RMDN1: variants seen among roughly 807,000 people sequenced by gnomAD.
RMDN1 encodes regulator of microtubule dynamics 1.
In RMDN1, 48 loss-of-function variants were observed where a neutral mutation model predicts 48.9. That is an observed-to-expected ratio of 0.98 (90% CI 0.78 to 1.25). The LOEUF is 1.25. RMDN1 is among the 50% of genes most tolerant of loss of function. RMDN1 has a pLI of 0.00. For missense variants in RMDN1, 418 were observed against 373.4 expected, an observed-to-expected ratio of 1.12 and a Z score of -0.98; for synonymous variants, 148 against 132.6, an observed-to-expected ratio of 1.12 and a Z score of -0.80.
downstream of RMDN1, among the ~76,000 whole-genome samples, chr8:86,471,987 G>T (rs1178387554): frequency 2.0e-5 from 3 of 152,184 alleles, no homozygotes; most frequent in Admixed American, 2.0e-4. Flanking sequence ...GAGACATCTT[G>T]GGGACATTTG....
Position 86,504,691 on chromosome 8 carries a change from T to G in RMDN1, c.247+2304A>C. On this transcript the variant is annotated intron_variant, in intron 2 of 9. Coordinates refer to ENST00000406452, the MANE Select transcript of RMDN1 (RefSeq NM_016033.3). ...AGCTTTGTCTTTATCGGGGCTATCT[T>G]GGTCTTTGTGGCCTTTGAAATTGGA... is the stretch of plus-strand genomic sequence containing the variant. 3.4e-6 allele frequency: 3 copies of G among 883,694 alleles called. No homozygotes were observed. In the South Asian group the frequency reaches 3.9e-5, roughly 12 times the overall value. 54.7% of individuals were successfully genotyped at this position (883,694 alleles called of 1,614,324 possible). A position where few individuals can be genotyped will look rare whatever the true frequency, so the allele number is the denominator to read the frequency against.
chr8:86,476,790 G>C (rs1443246530), intron 8 of RMDN1, among the ~76,000 whole-genome samples: 2 of 152,094 alleles, frequency 1.3e-5, no homozygotes, highest in Non-Finnish European at 2.9e-5. Context: ...GGAACTCCTG[G>C]GCTCAAGTGA....
chr8:86,483,538 T>C (rs964916494), intron 5 of RMDN1, among the ~76,000 whole-genome samples: 1 of 152,224 alleles, frequency 6.6e-6, no homozygotes, highest in African/African-American at 2.4e-5. Flanking sequence ...CATCATGTAA[T>C]CTCATTTCAA....
chr8:86,488,428 A>G (rs1815860204), intron 3 of RMDN1, 124 bp downstream of exon 3: 3 of 476,024 alleles, frequency 6.3e-6, no homozygotes, highest in Non-Finnish European at 1.1e-5. Context: ...ACTCTAAGAA[A>G]TATTTTGAAG....
At chr8:86,482,972 G>A (rs1488409980) in intron 5 of RMDN1, 6 of 719,828 alleles carry the variant, frequency 8.3e-6, no homozygotes, top group South Asian at 4.5e-5. Context: ...TGTGGCAGCC[G>A]CACTCGCTGC....
intron 2 of RMDN1, among the ~76,000 whole-genome samples, chr8:86,501,163 C>T (rs879865810): frequency 2.6e-5 from 4 of 151,998 alleles, no homozygotes; most frequent in Admixed American, 1.3e-4. Context: ...AATTTACCCA[C>T]GTGACAAACC....
Position 86,480,409 on chromosome 8 carries a change from G to A in RMDN1, c.586-77C>T, listed in dbSNP as rs1814175162. ...GTGCTTTACTGTGTTTGCTGAAGAA[G>A]CCATGATTTTTTAAAAAATGCAACT... is the stretch of plus-strand genomic sequence containing the variant. On this transcript the variant is annotated intron_variant, in intron 5 of 9. Transcript: ENST00000406452. The A allele has an allele frequency of 5.1e-6, 4 of 780,446 alleles. No individual in the cohort carries two copies. The East Asian group carries it at 1.1e-4, about 22-fold the overall frequency. 48.3% of individuals were successfully genotyped at this position (780,446 alleles called of 1,614,324 possible).
At chr8:86,504,091 T>G in intron 2 of RMDN1, 1 of 1,009,326 alleles carries the variant, frequency 9.9e-7, no homozygotes, top group African/African-American at 1.6e-5. Context: ...GGCCCAGATC[T>G]TTGGTCTGGA....
intron 2 of RMDN1, among the ~76,000 whole-genome samples, chr8:86,501,934 A>C (rs963889111): frequency 2.6e-5 from 4 of 152,028 alleles, no homozygotes; most frequent in African/African-American, 9.7e-5. Context: ...AAAAAAAAAA[A>C]AGAACAGTGC....
intron 2 of RMDN1, among the ~76,000 whole-genome samples, chr8:86,503,073 G>A (rs561388992): frequency 9.9e-5 from 15 of 152,192 alleles, no homozygotes; most frequent in African/African-American, 3.1e-4. Flanking sequence ...ACTAAGTTAG[G>A]CCAGGTGCGG....
intron 6 of RMDN1, among the ~76,000 whole-genome samples, chr8:86,479,438 A>T (rs1366847346): frequency 6.6e-6 from 1 of 152,206 alleles, no homozygotes; most frequent in Admixed American, 6.5e-5. Flanking sequence ...CAACAACTTA[A>T]ATCTATTTTT....
downstream of RMDN1, among the ~76,000 whole-genome samples, chr8:86,471,722 G>GT (rs1429233409): frequency 6.6e-6 from 1 of 152,182 alleles, no homozygotes; most frequent in Non-Finnish European, 1.5e-5. Flanking sequence ...AGAAAAATCA[G>GT]TAAGTGATAA....
intron 2 of RMDN1, among the ~76,000 whole-genome samples, chr8:86,495,903 GAGA>G (rs1053976052): frequency 1.6e-4 from 25 of 152,308 alleles, no homozygotes; most frequent in African/African-American, 6.0e-4. Flanking sequence ...GACAGCTAGA[GAGA>G]AGGAGGTCAC....
In RMDN1 at chr8:86,508,477, G is replaced by A; in HGVS notation, c.129+15C>T. ...AGTAGGAAGTGAGGAGCGGGAGCCA[G>A]GACCACGGGGGTACCTCGAAGCCGC... On this transcript the variant is annotated intron_variant, in intron 1 of 9. Coordinates refer to ENST00000406452, the MANE Select transcript of RMDN1 (RefSeq NM_016033.3). The A allele has an allele frequency of 1.3e-6, 2 of 1,541,806 alleles. No individual in the cohort carries two copies. Among genetic ancestry groups the A allele is most frequent in the East Asian group, 2.5e-5 (1 of 40,460 alleles).
upstream of RMDN1, among the ~76,000 whole-genome samples, chr8:86,511,933 A>G (rs1273151322): frequency 2.0e-5 from 3 of 152,200 alleles, no homozygotes. Context: ...GAGAAAGAAT[A>G]TTTTGTGAAT....
At chr8:86,506,563 T>C (rs2131338348) in intron 2 of RMDN1, among the ~76,000 whole-genome samples, 1 of 152,316 alleles carries the variant, frequency 6.6e-6, no homozygotes, top group South Asian at 2.1e-4. Context: ...AATAGGTTAT[T>C]GTTGACTTAT....
chr8:86,491,875 G>T (rs1305154648), intron 2 of RMDN1, among the ~76,000 whole-genome samples: 1 of 152,110 alleles, frequency 6.6e-6, no homozygotes, highest in Admixed American at 6.5e-5. Flanking sequence ...TACTCCTCTG[G>T]CAAGATAAAT....
At chr8:86,470,384 C>A, downstream of RMDN1, 1 of 1,286,732 alleles carries the variant, frequency 7.8e-7, no homozygotes, top group Non-Finnish European at 1.0e-6. Flanking sequence ...CGTCACGGAC[C>A]AATGTGACAC....
rs1354324383 is a variant in RMDN1 at position 86,503,366 on chromosome 8, C to CAAAAAAAAAAAAAAAAAAAAAAAAAAA, written c.247+3628_247+3629insTTTTTTTTTTTTTTTTTTTTTTTTTTT. ...GACTCCGTCTCAAAACAAAACAAAA[C>CAAAAAAAAAAAAAAAAAAAAAAAAAAA]AAAACAAAAAAAAAAAAAAAAAACA... is the stretch of plus-strand genomic sequence containing the variant. On this transcript the variant is annotated intron_variant, in intron 2 of 9. Coordinates refer to ENST00000406452, the MANE Select transcript of RMDN1 (RefSeq NM_016033.3). Among the ~76,000 whole-genome samples the CAAAAAAAAAAAAAAAAAAAAAAAAAAA allele has an allele frequency of 4.5e-4, 32 of 70,408 alleles. 1 individual carries two copies. Among genetic ancestry groups the CAAAAAAAAAAAAAAAAAAAAAAAAAAA allele is most frequent in the Admixed American group, 1.0e-3 (6 of 5,964 alleles). The allele number at this position is 70,408 out of a possible 152,430, so 46.2% of individuals were successfully genotyped here. A position where few individuals can be genotyped will look rare whatever the true frequency, so the allele number is the denominator to read the frequency against.
Sources: gnomAD v4.1 joint callset for allele counts (sites outside exome capture counted in the v4.1 genomes callset) on GRCh38, gnomAD v4.1.1 for gene constraint, MANE v1.5 for transcripts, NCBI Gene and HGNC (gene_info 2026-07-23, HGNC 2026-07-21) for gene names.